ITGA9: variants seen among roughly 807,000 people sequenced by gnomAD.
ITGA9 encodes integrin alpha-9.
ITGA9 carries 56 observed loss-of-function variants against 127.8 expected under a neutral mutation model. The ratio of observed to expected loss-of-function variants is 0.44; its 90% CI spans 0.35 to 0.55. The LOEUF (loss-of-function observed/expected upper bound fraction) is 0.55. ITGA9 is among the 20% of genes least tolerant of loss of function. The pLI is 0.00. For synonymous variants in ITGA9, 508 were observed against 514.5 expected, an observed-to-expected ratio of 0.99 and a Z score of 0.17; for missense variants, 1,196 against 1,347.1, an observed-to-expected ratio of 0.89 and a Z score of 1.76.
At chr3:37,613,952 G>T (rs747676318) in intron 15 of ITGA9, among the ~76,000 whole-genome samples, 12 of 152,330 alleles carry the variant, frequency 7.9e-5, no homozygotes, top group South Asian at 4.1e-4. Context: ...TTGCTGTGCA[G>T]AAGCTCTTTA....
chr3:37,646,727 C>T (rs1700381736), intron 16 of ITGA9, among the ~76,000 whole-genome samples: 1 of 152,138 alleles, frequency 6.6e-6, no homozygotes, highest in Non-Finnish European at 1.5e-5. Flanking sequence ...TCCGATTTGT[C>T]TGATTGAAGC....
chr3:37,605,562 A>C (rs912180846), intron 15 of ITGA9, among the ~76,000 whole-genome samples: 1 of 152,152 alleles, frequency 6.6e-6, no homozygotes, highest in East Asian at 1.9e-4. Flanking sequence ...TCTGCCTCTC[A>C]ACTGTTCACC....
At chr3:37,639,899 T>G (rs1455621249) in intron 16 of ITGA9, among the ~76,000 whole-genome samples, 1 of 152,174 alleles carries the variant, frequency 6.6e-6, no homozygotes, top group Non-Finnish European at 1.5e-5. Flanking sequence ...ATGCTGTCCT[T>G]GGACTGGTCA....
chr3:37,700,386 C>A (rs1435875364), intron 18 of ITGA9, among the ~76,000 whole-genome samples: 1 of 152,116 alleles, frequency 6.6e-6, no homozygotes, highest in East Asian at 1.9e-4. Flanking sequence ...CAAGGTCTCA[C>A]TCTGTTGCCC....
intron 17 of ITGA9, among the ~76,000 whole-genome samples, chr3:37,680,700 C>T (rs1468716931): frequency 6.6e-6 from 1 of 152,216 alleles, no homozygotes; most frequent in African/African-American, 2.4e-5. Flanking sequence ...GATGTCAGGA[C>T]TACTTATGAA....
At chr3:37,740,193 G>A (rs1190421142) in intron 20 of ITGA9, among the ~76,000 whole-genome samples, 1 of 152,136 alleles carries the variant, frequency 6.6e-6, no homozygotes, top group African/African-American at 2.4e-5. Flanking sequence ...CTTGGAGGGG[G>A]CAGAGAGAGG....
intron 3 of ITGA9, among the ~76,000 whole-genome samples, chr3:37,475,457 A>C (rs1451681835): frequency 1.3e-5 from 2 of 152,234 alleles, no homozygotes; most frequent in Non-Finnish European, 2.9e-5. Context: ...TCAGTATCAC[A>C]AAGGAGTCAT....
At chr3:37,800,245 AG>A (rs1320783031) in intron 26 of ITGA9, among the ~76,000 whole-genome samples, 1 of 152,194 alleles carries the variant, frequency 6.6e-6, no homozygotes, top group Non-Finnish European at 1.5e-5. Flanking sequence ...GGGTTAGCAC[AG>A]GGGGCTGGGT....
At chr3:37,550,383 A>G (rs1699367740) in intron 15 of ITGA9, among the ~76,000 whole-genome samples, 1 of 152,196 alleles carries the variant, frequency 6.6e-6, no homozygotes. Context: ...TGTTAAGCAT[A>G]TGGCCCCCAG....
At chr3:37,738,807 C>T (rs932615870) in intron 20 of ITGA9, among the ~76,000 whole-genome samples, 2 of 152,218 alleles carry the variant, frequency 1.3e-5, no homozygotes, top group Non-Finnish European at 2.9e-5. Flanking sequence ...GAAGACACTT[C>T]CTGCCTCCAC....
chr3:37,522,380 A>G (rs1459032465), intron 11 of ITGA9, among the ~76,000 whole-genome samples: 1 of 152,188 alleles, frequency 6.6e-6, no homozygotes, highest in Non-Finnish European at 1.5e-5. Flanking sequence ...TGTTTGTACA[A>G]TAAATATTGT....
intron 1 of ITGA9, among the ~76,000 whole-genome samples, chr3:37,457,212 C>G (rs1440432756): frequency 9.2e-5 from 14 of 152,208 alleles, no homozygotes; most frequent in Admixed American, 9.2e-4. Context: ...ACCGCAGGGC[C>G]TGATCTATAT....
intron 4 of ITGA9, among the ~76,000 whole-genome samples, chr3:37,493,713 T>C (rs1370076909): frequency 2.0e-5 from 3 of 152,216 alleles, no homozygotes; most frequent in Non-Finnish European, 4.4e-5. Flanking sequence ...TTCTTACCTG[T>C]TAACAAGTGG....
chr3:37,535,251 C>A (rs140516049), intron 14 of ITGA9, among the ~76,000 whole-genome samples: 1 of 152,210 alleles, frequency 6.6e-6, no homozygotes, highest in Non-Finnish European at 1.5e-5. Flanking sequence ...TGTTAGACAA[C>A]GTTCACTTAT....
chr3:37,526,134 C>T (rs1699090913), intron 13 of ITGA9, 63 bp downstream of exon 13: 1 of 1,371,290 alleles, frequency 7.3e-7, no homozygotes, highest in African/African-American at 1.4e-5. Flanking sequence ...GAGCCATTCA[C>T]CATTCATGGG....
In ITGA9 at chr3:37,629,476, T is replaced by A. The variant is rs1700209594; in HGVS notation, c.1839+140T>A. 1.2e-6 allele frequency: 1 copy of A among 844,486 alleles called. No individual in the cohort carries two copies. The highest frequency in any genetic ancestry group is 1.9e-6 in the Non-Finnish European group (1 of 515,988). 52.3% of individuals were successfully genotyped at this position (844,486 alleles called of 1,614,324 possible). ...GACACACCTCCTCTCTGGGTCTCCC[T>A]TTTCTGATCTGCAAAATGATAAAAT... On this transcript the variant is annotated intron_variant, in intron 16 of 27. Coordinates refer to ENST00000264741, the MANE Select transcript of ITGA9 (RefSeq NM_002207.3). This position sits in a 1 kb window ranked among gnomAD's most constrained non-coding sequence, Gnocchi z 4.5.
intron 17 of ITGA9, among the ~76,000 whole-genome samples, chr3:37,672,697 G>A (rs182727261): frequency 6.6e-6 from 1 of 152,270 alleles, no homozygotes; most frequent in East Asian, 1.9e-4. Context: ...GTGGTTTAGG[G>A]CTGAGGCTGT....
intron 23 of ITGA9, among the ~76,000 whole-genome samples, chr3:37,773,171 C>T (rs1045101761): frequency 6.6e-6 from 1 of 152,240 alleles, no homozygotes; most frequent in African/African-American, 2.4e-5. Flanking sequence ...GCCTAGAAAC[C>T]TGAAGCACCG....
At chr3:37,517,454 C>A (rs1195586120) in intron 9 of ITGA9, 50 bp from the exon 10 acceptor site, 2 of 1,312,968 alleles carry the variant, frequency 1.5e-6, no homozygotes, top group Non-Finnish European at 2.1e-6. Context: ...ATTGTTTGTT[C>A]TGTTTGTTTT....
Sources: allele counts gnomAD v4.1 joint callset (sites outside exome capture counted in the v4.1 genomes callset), GRCh38; gene constraint gnomAD v4.1.1; non-coding constraint Gnocchi (gnomAD v3.1); transcripts MANE v1.5; gene names NCBI Gene and HGNC (gene_info 2026-07-23, HGNC 2026-07-21).